The following CST8 variants were observed in gnomAD, a reference collection of about 807,000 sequenced individuals.
CST8 encodes cystatin 8.
A neutral mutation model predicts 11.8 loss-of-function variants in CST8; 20 were observed. The observed-to-expected ratio is 1.70, with a 90% CI of 1.20 to 2.47. The LOEUF (loss-of-function observed/expected upper bound fraction) is 2.47, where lower values mean the gene tolerates loss of function less well. CST8 is among the 30% of genes most tolerant of loss of function. The pLI is 0.00. For missense variants in CST8, 196 were observed against 167.2 expected (o/e 1.17, Z -0.95); for synonymous variants, 77 against 63.1 (o/e 1.22, Z -1.05).
chr20:23,503,541 C>T, the CST8 span, among the ~76,000 whole-genome samples: 1 of 151,712 alleles, frequency 6.6e-6, no homozygotes, highest in Non-Finnish European at 1.5e-5. Flanking sequence ...ATAAAATGGC[C>T]CTAAAAGACA....
the CST8 span, among the ~76,000 whole-genome samples, chr20:23,505,918 C>A: frequency 2.0e-5 from 3 of 152,102 alleles, no homozygotes; most frequent in African/African-American, 7.2e-5. Context: ...TGGTAAACCA[C>A]CTAATTCTGT....
intron 3 of CST8, among the ~76,000 whole-genome samples, chr20:23,493,787 A>C (rs904206341): frequency 2.0e-5 from 3 of 152,202 alleles, no homozygotes; most frequent in African/African-American, 7.2e-5. Flanking sequence ...CAGGTGCATC[A>C]CTGTCCCTGT....
chr20:23,501,499 C>T, the CST8 span, among the ~76,000 whole-genome samples: 1 of 152,234 alleles, frequency 6.6e-6, no homozygotes, highest in Non-Finnish European at 1.5e-5. Context: ...CCTCAGACAC[C>T]TACCGCTCGC....
rs776841974 is a variant in CST8 at position 23,491,791 on chromosome 20, A to G, written c.124A>G (p.Asn42Asp). The G allele has an allele frequency of 3.1e-6, 5 of 1,614,144 alleles. No homozygotes were observed. The highest frequency in any genetic ancestry group is 4.2e-6 in the Non-Finnish European group (5 of 1,180,000). The change falls in exon 2 of 4, where the codon AAT (asparagine) becomes GAT (aspartate). Residue 42 changes from asparagine (N) to aspartate (D), a missense_variant. Coordinates refer to ENST00000246012, the MANE Select transcript of CST8 (RefSeq NM_005492.4). ...GAAATTAAAACCCGTCAATGCCTCAAATGCCAACGTGAAGCAGTGTCTGTG... is the reference window on the plus strand; with the variant it reads ...GAAATTAAAACCCGTCAATGCCTCAGATGCCAACGTGAAGCAGTGTCTGTG... Reference protein sequence around the residue: ...LRKLKPVNASNANVKQCLWFA... With the variant: ...LRKLKPVNASDANVKQCLWFA...
chr20:23,506,454 A>G, the CST8 span, among the ~76,000 whole-genome samples: 1 of 152,122 alleles, frequency 6.6e-6, no homozygotes, highest in Non-Finnish European at 1.5e-5. Flanking sequence ...CCCATTCCTG[A>G]AGCTTATGAG....
chr20:23,492,144 T>C (rs541210319), intron 2 of CST8, among the ~76,000 whole-genome samples: 18 of 152,302 alleles, frequency 1.2e-4, no homozygotes, highest in African/African-American at 4.1e-4. Context: ...AAACTGCAAA[T>C]CAAATGTTCA....
chr20:23,495,578 A>ACAATGTTATG (rs1988016859), intron 3 of CST8, among the ~76,000 whole-genome samples: 1 of 152,226 alleles, frequency 6.6e-6, no homozygotes, highest in African/African-American at 2.4e-5. Context: ...AACTTGCACC[A>ACAATGTTATG]CAATGTTATG....
intron 3 of CST8, among the ~76,000 whole-genome samples, chr20:23,494,997 G>A (rs1309534030): frequency 6.6e-6 from 1 of 152,110 alleles, no homozygotes; most frequent in Non-Finnish European, 1.5e-5. Context: ...CCCAGTGTCT[G>A]TTGTTCCCTC....
downstream of CST8, among the ~76,000 whole-genome samples, chr20:23,500,341 G>A (rs1367172172): frequency 6.6e-6 from 1 of 152,142 alleles, no homozygotes; most frequent in East Asian, 1.9e-4. Flanking sequence ...ATAGAGCTCA[G>A]AGCCACAGAC....
chr20:23,503,597 G>C, the CST8 span, among the ~76,000 whole-genome samples: 1 of 152,144 alleles, frequency 6.6e-6, no homozygotes, highest in African/African-American at 2.4e-5. Context: ...CACAAATAGA[G>C]CTAAAGACTG....
chr20:23,506,786 C>G, the CST8 span, among the ~76,000 whole-genome samples: 22 of 152,140 alleles, frequency 1.4e-4, no homozygotes, highest in Non-Finnish European at 2.6e-4. Context: ...GCCATCAACA[C>G]AGGGTCCCAA....
chr20:23,502,891 C>T, the CST8 span, among the ~76,000 whole-genome samples: 1 of 152,248 alleles, frequency 6.6e-6, no homozygotes, highest in South Asian at 2.1e-4. Context: ...AGTTAGGTAT[C>T]ACTACTGTGC....
intron 3 of CST8, among the ~76,000 whole-genome samples, chr20:23,494,897 T>C (rs1600296632): frequency 6.6e-6 from 1 of 152,304 alleles, no homozygotes. Flanking sequence ...GGTGTACAGA[T>C]TATTTCATCA....
chr20:23,493,163 G>A (rs1366057133), intron 3 of CST8, 92 bp downstream of exon 3: 5 of 830,864 alleles, frequency 6.0e-6, no homozygotes, highest in Non-Finnish European at 1.0e-5. Context: ...TTGAGGTCTG[G>A]GTGGCTCCCA....
the CST8 span, among the ~76,000 whole-genome samples, chr20:23,501,531 G>A: frequency 6.4e-3 from 975 of 152,310 alleles, 13 homozygotes; most frequent in African/African-American, 0.022. Context: ...CAGAGTGAAG[G>A]GTGTGAGTGA....
chr20:23,496,806 T>C (rs1988058147), downstream of CST8, among the ~76,000 whole-genome samples: 1 of 152,208 alleles, frequency 6.6e-6, no homozygotes. Flanking sequence ...TGTTCCTTGC[T>C]GAGAAAAAGA....
chr20:23,502,633 C>T, the CST8 span, among the ~76,000 whole-genome samples: 3 of 152,180 alleles, frequency 2.0e-5, no homozygotes, highest in Non-Finnish European at 2.9e-5. Context: ...ACACCCAAAC[C>T]TTCACGTGAT....
chr20:23,500,668 G>A (rs370407118), downstream of CST8, among the ~76,000 whole-genome samples: 234 of 152,178 alleles, frequency 1.5e-3, no homozygotes, highest in African/African-American at 5.0e-3. Context: ...ACCTGGGGGC[G>A]GACGGTGCCC....
downstream of CST8, among the ~76,000 whole-genome samples, chr20:23,498,266 G>T (rs1208709136): frequency 6.6e-6 from 1 of 152,180 alleles, no homozygotes; most frequent in East Asian, 1.9e-4. Context: ...AAATAGTTCA[G>T]ATGGTACATT....
Sources: gnomAD v4.1 joint callset for allele counts (sites outside exome capture counted in the v4.1 genomes callset) on GRCh38, gnomAD v4.1.1 for gene constraint, MANE v1.5 for transcripts, NCBI Gene and HGNC (gene_info 2026-07-23, HGNC 2026-07-21) for gene names.